CEP128: variants seen among roughly 807,000 people sequenced by gnomAD.
CEP128 encodes the protein centrosomal protein 128kDa.
Under a neutral mutation model 156.7 loss-of-function variants are expected in CEP128, and 132 were observed. The observed-to-expected ratio is 0.84, with a 90% CI of 0.73 to 0.97. The LOEUF is 0.97. Among genes scored for constraint, CEP128 ranks in the 50% least tolerant of loss-of-function variants. CEP128 has a pLI of 0.00. For synonymous variants in CEP128, 469 were observed against 448.9 expected (o/e 1.04, Z -0.57); for missense variants, 1,252 against 1,281.9 (o/e 0.98, Z 0.36).
downstream of CEP128, among the ~76,000 whole-genome samples, chr14:80,486,725 A>G (rs1887174591): frequency 6.6e-6 from 1 of 152,176 alleles, no homozygotes; most frequent in Non-Finnish European, 1.5e-5. Flanking sequence ...CAACATTCTT[A>G]AAGAAAAGAA....
intron 19 of CEP128, among the ~76,000 whole-genome samples, chr14:80,701,491 G>A (rs1897073754): frequency 1.3e-5 from 2 of 152,110 alleles, no homozygotes; most frequent in South Asian, 2.1e-4. Flanking sequence ...CAAATGGATG[G>A]ACCTCACTCA....
Position 80,753,005 on chromosome 14 carries a change from C to A in CEP128, c.2613+3887G>T, listed in dbSNP as rs182567359. Among the ~76,000 whole-genome samples the A allele has an allele frequency of 3.3e-5, 5 of 152,182 alleles. No homozygotes were observed. In the East Asian group the frequency reaches 9.6e-4, roughly 29 times the overall value. On this transcript the variant is annotated intron_variant, in intron 18 of 24. Transcript: ENST00000555265. ...CTAAATTTGGAAGTGTATTTCTTAC[C>A]CATCTAATCTCCAAGTTTATAGCTA...
At chr14:80,682,450 A>T (rs1896360592) in intron 19 of CEP128, among the ~76,000 whole-genome samples, 1 of 152,226 alleles carries the variant, frequency 6.6e-6, no homozygotes. Context: ...GAATTATGTA[A>T]AGTGACCAAA....
chr14:80,904,178 G>A (rs1250832267), intron 6 of CEP128, among the ~76,000 whole-genome samples: 1 of 152,074 alleles, frequency 6.6e-6, no homozygotes, highest in Non-Finnish European at 1.5e-5. Flanking sequence ...GAGAAATCCT[G>A]TCATTTGCAA....
chr14:80,622,564 C>G (rs981007670), intron 19 of CEP128, among the ~76,000 whole-genome samples: 1 of 150,302 alleles, frequency 6.7e-6, no homozygotes, highest in African/African-American at 2.5e-5. Context: ...ACTCATCTGA[C>G]AAAGGGCTAA....
chr14:80,663,897 A>G (rs1895503218), intron 19 of CEP128, among the ~76,000 whole-genome samples: 2 of 152,186 alleles, frequency 1.3e-5, no homozygotes, highest in African/African-American at 4.8e-5. Flanking sequence ...TAATTGTTAT[A>G]CCAGTATTTA....
At chr14:80,625,385 G>A (rs1018988218) in intron 19 of CEP128, among the ~76,000 whole-genome samples, 3 of 152,086 alleles carry the variant, frequency 2.0e-5, no homozygotes, top group South Asian at 2.1e-4. Context: ...GGAGTGTTAT[G>A]CCTCGAGCTT....
At chr14:80,743,862 C>T (rs909518651) in intron 18 of CEP128, among the ~76,000 whole-genome samples, 1 of 150,648 alleles carries the variant, frequency 6.6e-6, no homozygotes, top group African/African-American at 2.4e-5. Context: ...CTTTCTTTCT[C>T]TCTCTCTCTC....
chr14:80,758,248 A>G (rs973675377), intron 17 of CEP128, among the ~76,000 whole-genome samples: 1 of 152,184 alleles, frequency 6.6e-6, no homozygotes, highest in African/African-American at 2.4e-5. Context: ...CCTGCCAGGC[A>G]TGGTGGCTCA....
intron 7 of CEP128, among the ~76,000 whole-genome samples, chr14:80,899,099 G>C (rs1190752820): frequency 1.3e-5 from 2 of 152,226 alleles, no homozygotes; most frequent in East Asian, 3.9e-4. Context: ...AATAATATTA[G>C]CTAATAGAAC....
chr14:80,796,152 C>T (rs1883459512), intron 13 of CEP128, among the ~76,000 whole-genome samples: 1 of 152,100 alleles, frequency 6.6e-6, no homozygotes, highest in Non-Finnish European at 1.5e-5. Flanking sequence ...ATGAAAACAG[C>T]TCTCATCAAG....
At chr14:80,946,555 T>G (rs1566731725), upstream of CEP128, among the ~76,000 whole-genome samples, 1 of 152,052 alleles carries the variant, frequency 6.6e-6, no homozygotes, top group Admixed American at 6.5e-5. Context: ...ATACGAAACA[T>G]TAAATACCTA....
intron 19 of CEP128, among the ~76,000 whole-genome samples, chr14:80,609,130 G>C (rs540486956): frequency 6.6e-6 from 1 of 152,248 alleles, no homozygotes; most frequent in Non-Finnish European, 1.5e-5. Context: ...TTCTACAGTA[G>C]AGCTTTCATT....
intron 21 of CEP128, among the ~76,000 whole-genome samples, chr14:80,536,848 T>C (rs942420187): frequency 5.9e-5 from 9 of 152,234 alleles, no homozygotes; most frequent in African/African-American, 2.2e-4. Context: ...TTCTAGACTG[T>C]ATTTTATGAG....
intron 23 of CEP128, among the ~76,000 whole-genome samples, chr14:80,505,484 A>C (rs1468455431): frequency 6.6e-6 from 1 of 152,182 alleles, no homozygotes; most frequent in East Asian, 1.9e-4. Flanking sequence ...AACCTTTTCC[A>C]TATTTAGGAC....
chr14:80,951,406 T>C (rs1347449909), intron 2 of CEP128, among the ~76,000 whole-genome samples: 1 of 151,952 alleles, frequency 6.6e-6, no homozygotes, highest in Non-Finnish European at 1.5e-5. Flanking sequence ...TGTTGAAGGG[T>C]TCTTTTAAAC....
intron 14 of CEP128, among the ~76,000 whole-genome samples, chr14:80,481,458 G>A (rs1887052015): frequency 6.6e-6 from 1 of 152,102 alleles, no homozygotes; most frequent in Non-Finnish European, 1.5e-5. Context: ...ATTTCAGTGG[G>A]GACACAGCCA....
intron 19 of CEP128, among the ~76,000 whole-genome samples, chr14:80,742,108 G>A (rs1242760589): frequency 6.6e-6 from 1 of 152,144 alleles, no homozygotes; most frequent in Non-Finnish European, 1.5e-5. Flanking sequence ...AGATTAAAGT[G>A]TTCATTACGT....
At chr14:80,525,830 C>G (rs956306417) in intron 23 of CEP128, among the ~76,000 whole-genome samples, 1 of 152,140 alleles carries the variant, frequency 6.6e-6, no homozygotes, top group African/African-American at 2.4e-5. Context: ...TGGAAATGAA[C>G]ACTGTCTTTA....
Sources: allele counts gnomAD v4.1 joint callset (sites outside exome capture counted in the v4.1 genomes callset), GRCh38; gene constraint gnomAD v4.1.1; transcripts MANE v1.5; gene names NCBI Gene and HGNC (gene_info 2026-07-23, HGNC 2026-07-21).